The following BOLL variants were observed in gnomAD, a reference collection of about 807,000 sequenced individuals.
BOLL encodes protein boule-like.
Under a neutral mutation model 44.4 loss-of-function variants are expected in BOLL, and 23 were observed. The observed-to-expected ratio is 0.52, with a 90% CI of 0.37 to 0.73. The LOEUF is 0.73. BOLL is among the 30% of genes least tolerant of loss of function. The pLI, the probability that BOLL is intolerant of heterozygous loss-of-function variation, is 0.00. For missense variants in BOLL, 287 were observed against 338.3 expected, an observed-to-expected ratio of 0.85 and a Z score of 1.19; for synonymous variants, 97 against 110.8, an observed-to-expected ratio of 0.88 and a Z score of 0.78.
chr2:197,785,191 C>T lies in BOLL; in HGVS notation c.-151G>A. The T allele has an allele frequency of 1.0e-6, 1 of 985,948 alleles. No homozygotes were observed. The allele number at this position is 985,948 out of a possible 1,614,324, so 61.1% of individuals were successfully genotyped here. A position where few individuals can be genotyped will look rare whatever the true frequency, so the allele number is the denominator to read the frequency against. ...CTTGGGCACCGAAACGAGGATCCAC[C>T]CCCTCCCCACCAAAGTGCGGGAGGG... On this transcript the variant is annotated 5_prime_UTR_variant, in exon 1 of 11. Coordinates refer to ENST00000392296, the MANE Select transcript of BOLL (RefSeq NM_033030.6). The surrounding 1 kb of genome is among the most constrained non-coding windows in gnomAD (Gnocchi z 6.7).
chr2:197,754,470 G>T (rs1688411670), intron 9 of BOLL, among the ~76,000 whole-genome samples: 1 of 152,142 alleles, frequency 6.6e-6, no homozygotes, highest in East Asian at 1.9e-4. Flanking sequence ...AGCACTTTGG[G>T]AGGCCGAGGC....
intron 10 of BOLL, among the ~76,000 whole-genome samples, chr2:197,730,969 A>C (rs901089146): frequency 6.6e-6 from 1 of 151,954 alleles, no homozygotes; most frequent in Admixed American, 6.6e-5. Context: ...AACAATATTA[A>C]CTTTAAATGT....
chr2:197,778,083 CAT>C (rs1258358075), intron 3 of BOLL, among the ~76,000 whole-genome samples: 2 of 151,924 alleles, frequency 1.3e-5, no homozygotes, highest in Non-Finnish European at 2.9e-5. Flanking sequence ...ATTACCAAAA[CAT>C]AGCAAATTCT....
At chr2:197,737,451 G>T (rs1192074515) in intron 10 of BOLL, among the ~76,000 whole-genome samples, 1 of 151,968 alleles carries the variant, frequency 6.6e-6, no homozygotes, top group Non-Finnish European at 1.5e-5. Flanking sequence ...CTCCTGCCTA[G>T]TTCTTTATGA....
intron 6 of BOLL, among the ~76,000 whole-genome samples, chr2:197,769,457 C>G (rs1368151192): frequency 6.6e-6 from 1 of 152,022 alleles, no homozygotes; most frequent in Non-Finnish European, 1.5e-5. Flanking sequence ...GTAGAGCCCT[C>G]TCTCTTCACT....
chr2:197,784,848 A>G (rs143184597), intron 1 of BOLL: 9 of 987,504 alleles, frequency 9.1e-6, no homozygotes, highest in Non-Finnish European at 1.1e-5. Flanking sequence ...TCCACTAGCA[A>G]TAATTCCGCA....
At chr2:197,759,259 G>A (rs1443809028) in intron 7 of BOLL, among the ~76,000 whole-genome samples, 3 of 152,142 alleles carry the variant, frequency 2.0e-5, no homozygotes, top group African/African-American at 7.2e-5. Flanking sequence ...CTTCTGCTAG[G>A]ATTGGTTCTG....
chr2:197,738,549 G>A (rs1687598053), intron 10 of BOLL, among the ~76,000 whole-genome samples: 1 of 152,172 alleles, frequency 6.6e-6, no homozygotes, highest in African/African-American at 2.4e-5. Context: ...GTAGTTTCTG[G>A]TAAACAGTAC....
chr2:197,778,842 A>G, intron 3 of BOLL, 133 bp downstream of exon 3: 1 of 653,260 alleles, frequency 1.5e-6, no homozygotes, highest in South Asian at 2.1e-5. Flanking sequence ...AAGGAAATCA[A>G]AAGGTAGGAG....
intron 3 of BOLL, among the ~76,000 whole-genome samples, chr2:197,778,163 C>T (rs1274405269): frequency 6.6e-6 from 1 of 151,886 alleles, no homozygotes; most frequent in African/African-American, 2.4e-5. Context: ...GGAAGTATCT[C>T]ATCTGTTTAT....
intron 10 of BOLL, 133 bp from the exon 11 acceptor site, chr2:197,728,711 A>G: frequency 1.5e-6 from 1 of 658,308 alleles, no homozygotes; most frequent in Non-Finnish European, 2.6e-6. Flanking sequence ...TTAAATTAGA[A>G]TGTTACAAAG....
intron 9 of BOLL, among the ~76,000 whole-genome samples, chr2:197,747,582 C>CA (rs59385223): frequency 0.04 from 2,419 of 59,864 alleles, 26 homozygotes; most frequent in African/African-American, 0.046. Context: ...GACTCGGGCT[C>CA]AAAAAAAAAA....
chr2:197,744,260 G>A (rs1191277809), intron 9 of BOLL, among the ~76,000 whole-genome samples: 5 of 152,304 alleles, frequency 3.3e-5, no homozygotes, highest in South Asian at 4.1e-4. Flanking sequence ...ACTCAGGAGT[G>A]AGACGGAGGC....
At chr2:197,752,040 C>T (rs541390235) in intron 9 of BOLL, among the ~76,000 whole-genome samples, 118 of 152,002 alleles carry the variant, frequency 7.8e-4, no homozygotes, top group African/African-American at 1.9e-3. Flanking sequence ...ACAGAACCAA[C>T]GACAAAAACC....
intron 9 of BOLL, among the ~76,000 whole-genome samples, chr2:197,752,226 T>C (rs1688295444): frequency 6.6e-6 from 1 of 152,092 alleles, no homozygotes; most frequent in African/African-American, 2.4e-5. Context: ...AAGCATTCCC[T>C]TGAAAACCGG....
intron 10 of BOLL, among the ~76,000 whole-genome samples, chr2:197,740,497 T>A (rs1687679966): frequency 6.6e-6 from 1 of 152,126 alleles, no homozygotes; most frequent in Non-Finnish European, 1.5e-5. Context: ...CAAAATATAT[T>A]GAGTGTATAC....
At chr2:197,759,081 T>A in intron 7 of BOLL, 1 of 1,117,384 alleles carries the variant, frequency 8.9e-7, no homozygotes, top group Non-Finnish European at 1.3e-6. Flanking sequence ...TTCCACTGGC[T>A]CCCCACCCCG....
chr2:197,734,684 T>C (rs958342222), intron 10 of BOLL, among the ~76,000 whole-genome samples: 1 of 152,186 alleles, frequency 6.6e-6, no homozygotes, highest in East Asian at 1.9e-4. Context: ...CTGGAAACCA[T>C]CATTCTCAGC....
intron 9 of BOLL, among the ~76,000 whole-genome samples, chr2:197,752,834 C>T (rs1688325114): frequency 6.6e-6 from 1 of 152,084 alleles, no homozygotes; most frequent in South Asian, 2.1e-4. Context: ...AAAAAAGAGG[C>T]CATATAACCA....
Sources: allele counts gnomAD v4.1 joint callset (sites outside exome capture counted in the v4.1 genomes callset), GRCh38; gene constraint gnomAD v4.1.1; non-coding constraint Gnocchi (gnomAD v3.1); transcripts MANE v1.5; gene names NCBI Gene and HGNC (gene_info 2026-07-23, HGNC 2026-07-21).